GVQW3: variants seen among roughly 807,000 people sequenced by gnomAD.
The protein encoded by GVQW3 is protein GVQW3.
A neutral mutation model predicts 12.5 loss-of-function variants in GVQW3; 7 were observed. That is an observed-to-expected ratio of 0.56 (90% CI 0.32 to 1.05). The LOEUF (loss-of-function observed/expected upper bound fraction) is 1.05. GVQW3 is among the 50% of genes least tolerant of loss of function. The pLI, the probability that GVQW3 is intolerant of heterozygous loss-of-function variation, is 0.04. For synonymous variants in GVQW3, 71 were observed against 67.2 expected (o/e 1.06, Z -0.28); for missense variants, 188 against 190.8 (o/e 0.99, Z 0.09).
intron 1 of GVQW3, among the ~76,000 whole-genome samples, chr11:76,386,062 C>G (rs985429780): frequency 2.6e-5 from 4 of 152,202 alleles, no homozygotes; most frequent in Non-Finnish European, 5.9e-5. Context: ...TTAACACCAT[C>G]GGTCAATGAC....
At chr11:76,408,182 G>A (rs1355384507), downstream of GVQW3, 1 of 152,182 alleles carries the variant, frequency 6.6e-6, no homozygotes, top group Non-Finnish European at 1.5e-5. Flanking sequence ...GGTTCTGAGG[G>A]TTTAGTGGAG....
At chr11:76,397,832 A>G (rs1003457881) in intron 1 of GVQW3, among the ~76,000 whole-genome samples, 9 of 152,350 alleles carry the variant, frequency 5.9e-5, no homozygotes, top group African/African-American at 2.2e-4. Context: ...GTAAGTTTAC[A>G]TAATTTAATG....
At chr11:76,413,563 T>G (rs1193128804) in exon 2 of GVQW3, 1 of 152,156 alleles carries the variant, frequency 6.6e-6, no homozygotes, top group Non-Finnish European at 1.5e-5. Context: ...GAGAATTAAG[T>G]GAGATACCAA....
rs546168195 is a variant in GVQW3 at position 76,400,253 on chromosome 11, C to T, written c.466-3407C>T. On this transcript the variant is annotated intron_variant, in intron 1 of 1. Coordinates refer to ENST00000529331, the MANE Select transcript of GVQW3 (RefSeq NM_001347885.2). Reference sequence around the variant, plus strand: ...TCAGCCTCCCAAGTAGCTGGGATTACGGGCGCCTGCCACCACACCCAGCTA... The same window carrying T: ...TCAGCCTCCCAAGTAGCTGGGATTATGGGCGCCTGCCACCACACCCAGCTA... 5.9e-5 allele frequency among the ~76,000 whole-genome samples: 9 copies of T among 151,924 alleles called. No homozygotes were observed. The East Asian group carries it at 7.7e-4, about 13-fold the overall frequency.
intron 1 of GVQW3, chr11:76,392,682 A>G (rs947541683): frequency 6.6e-6 from 1 of 152,240 alleles, no homozygotes; most frequent in Non-Finnish European, 1.5e-5. Context: ...GAACATATTT[A>G]TAGCATAGAA....
Position 76,405,344 on chromosome 11 carries a change from A to T in GVQW3, c.*1586A>T, listed in dbSNP as rs1947029303. On this transcript the variant is annotated 3_prime_UTR_variant, in exon 2 of 2. Transcript: ENST00000529331. ...GGTCTGCCATGTGCATAGAAAGCAC[A>T]GTATGTATTTGGCATGGAGTCGGTA... 1 of 152,280 alleles carries T rather than the reference A, an allele frequency of 6.6e-6. No individual in the cohort carries two copies. The highest frequency in any genetic ancestry group is 1.5e-5 in the Non-Finnish European group (1 of 68,070). 9.4% of individuals were successfully genotyped at this position (152,280 alleles called of 1,614,324 possible). A position where few individuals can be genotyped will look rare whatever the true frequency, so the allele number is the denominator to read the frequency against.
intron 1 of GVQW3, among the ~76,000 whole-genome samples, chr11:76,403,339 A>C (rs1947009269): frequency 6.6e-6 from 1 of 152,160 alleles, no homozygotes. Flanking sequence ...TCTTTCGTAT[A>C]ATTTATTGTG....
rs1004059983 is a variant in GVQW3 at position 76,381,986 on chromosome 11, G to A, written c.158G>A (p.Gly53Glu). The A allele has an allele frequency of 1.9e-5, 29 of 1,536,284 alleles. No individual in the cohort carries two copies. Among genetic ancestry groups the A allele is most frequent in the East Asian group, 1.7e-4 (7 of 40,936 alleles). The change falls in exon 1 of 2, where the codon GGA becomes GAA. Residue 53 changes from glycine (G) to glutamate (E), a missense_variant. Transcript: ENST00000529331. ...VFDWHKRFKE[G>E]REDVRDDARS... The stretch of plus-strand genomic sequence containing the variant: ...GACTGGCACAAAAGGTTTAAAGAAG[G>A]ACGGGAAGATGTTCGAGATGATGCC...
intron 1 of GVQW3, chr11:76,382,706 T>C: frequency 2.2e-6 from 1 of 444,820 alleles, no homozygotes; most frequent in Non-Finnish European, 4.0e-6. Context: ...TTTGGATTTC[T>C]TCTCTGCCCA....
At chr11:76,397,205 T>C (rs1348431778) in intron 1 of GVQW3, among the ~76,000 whole-genome samples, 1 of 152,120 alleles carries the variant, frequency 6.6e-6, no homozygotes, top group Non-Finnish European at 1.5e-5. Flanking sequence ...GATTTCACCA[T>C]GTTGGCCAGG....
chr11:76,394,161 A>G (rs913826664), intron 1 of GVQW3, among the ~76,000 whole-genome samples: 2 of 152,168 alleles, frequency 1.3e-5, no homozygotes, highest in African/African-American at 4.8e-5. Context: ...GGCCTCCCAA[A>G]GTGTGATTAT....
At chr11:76,387,962 G>T (rs1420711911) in intron 1 of GVQW3, among the ~76,000 whole-genome samples, 1 of 152,198 alleles carries the variant, frequency 6.6e-6, no homozygotes, top group Non-Finnish European at 1.5e-5. Flanking sequence ...GAGGGACTCT[G>T]TGGAGCCAGG....
At chr11:76,386,318 G>A (rs1290568233) in intron 1 of GVQW3, among the ~76,000 whole-genome samples, 1 of 152,178 alleles carries the variant, frequency 6.6e-6, no homozygotes, top group Non-Finnish European at 1.5e-5. Context: ...CTGTGACTTA[G>A]AAAAACATGT....
intron 1 of GVQW3, among the ~76,000 whole-genome samples, chr11:76,388,947 T>A (rs1300829724): frequency 1.3e-5 from 2 of 152,222 alleles, no homozygotes; most frequent in African/African-American, 4.8e-5. Flanking sequence ...AATTTGGCAA[T>A]ATCTATCAGG....
At position 76,381,666 on chromosome 11, in the gene GVQW3, T is replaced by C. The variant is rs1946769677; in HGVS notation, c.-163T>C. On this transcript the variant is annotated 5_prime_UTR_variant, in exon 1 of 2. It removes the in-frame stop codon of an upstream open reading frame in the 5' UTR. Coordinates refer to ENST00000529331, the MANE Select transcript of GVQW3 (RefSeq NM_001347885.2). ...GATCTCCCCAGCCTCGACTGGAAGC[T>C]GAGGGACAAAAATTCATAAAAGCAA... 4.6e-6 allele frequency: 3 copies of C among 659,232 alleles called. No individual in the cohort carries two copies. Among genetic ancestry groups the C allele is most frequent in the African/African-American group, 3.7e-5 (2 of 54,734 alleles). The allele number at this position is 659,232 out of a possible 1,614,324, so 40.8% of individuals were successfully genotyped here. A position where few individuals can be genotyped will look rare whatever the true frequency, so the allele number is the denominator to read the frequency against.
chr11:76,388,936 C>T (rs1212144830), intron 1 of GVQW3, among the ~76,000 whole-genome samples: 1 of 152,106 alleles, frequency 6.6e-6, no homozygotes, highest in Non-Finnish European at 1.5e-5. Context: ...TTCTGAAAAG[C>T]AATTTGGCAA....
chr11:76,382,004 A>G lies in GVQW3; in HGVS notation c.176A>G (p.Asp59Gly), dbSNP rs926360376. The G allele has an allele frequency of 1.6e-5, 25 of 1,536,344 alleles. No individual in the cohort carries two copies. The highest frequency in any genetic ancestry group is 2.2e-5 in the Non-Finnish European group (25 of 1,146,992). ...AAAGAAGGACGGGAAGATGTTCGAG[A>G]TGATGCCCGAAGTGGGCGTCCAGTC... is the stretch of plus-strand genomic sequence containing the variant. ...RFKEGREDVR[D>G]DARSGRPVTH... The change falls in exon 1 of 2, where the codon GAT (aspartate) becomes GGT (glycine). Residue 59 changes from aspartate to glycine, a missense_variant. Coordinates refer to ENST00000529331, the MANE Select transcript of GVQW3 (RefSeq NM_001347885.2).
intron 1 of GVQW3, among the ~76,000 whole-genome samples, chr11:76,402,332 C>G (rs1946997640): frequency 6.6e-6 from 1 of 152,134 alleles, no homozygotes; most frequent in African/African-American, 2.4e-5. Context: ...GTGGGTGGAT[C>G]ACGTGTGGTT....
downstream of GVQW3, among the ~76,000 whole-genome samples, chr11:76,409,980 G>C (rs1046561850): frequency 1.3e-5 from 2 of 152,180 alleles, no homozygotes; most frequent in Non-Finnish European, 2.9e-5. Context: ...ACTCAGGCCA[G>C]ACTCAGTGGC....
Sources: allele counts gnomAD v4.1 joint callset (sites outside exome capture counted in the v4.1 genomes callset), GRCh38; gene constraint gnomAD v4.1.1; transcripts MANE v1.5; gene names NCBI Gene and HGNC (gene_info 2026-07-23, HGNC 2026-07-21).